Variants in SAXO1 observed in about 807,000 individuals in gnomAD.
SAXO1 encodes 4930500O09Rik.
In SAXO1, 21 loss-of-function variants were observed where a neutral mutation model predicts 17.5. The observed-to-expected ratio is 1.20, with a 90% CI of 0.85 to 1.72. SAXO1 has a LOEUF of 1.72. Among genes scored for constraint, SAXO1 ranks in the 40% most tolerant of loss-of-function variants. SAXO1 has a pLI of 0.00. For missense variants in SAXO1, 843 were observed against 596.0 expected, an observed-to-expected ratio of 1.41 and a Z score of -4.32; for synonymous variants, 274 against 216.5, an observed-to-expected ratio of 1.27 and a Z score of -2.33.
At chr9:18,963,347 A>C (rs1220316291) in intron 1 of SAXO1, among the ~76,000 whole-genome samples, 4 of 152,144 alleles carry the variant, frequency 2.6e-5, no homozygotes, top group Non-Finnish European at 5.9e-5. Context: ...GAAGAAAGTT[A>C]ATGGTAGCTT....
Position 18,928,719 on chromosome 9 carries a change from T to C in SAXO1, c.758A>G (p.Lys253Arg). Reference sequence around the variant, plus strand: ...AGGCCTGGCTAGAGGTTTCAAGCTCTTGGCAGGCTCCCCCATCAGGCCCCG... The same window carrying C: ...AGGCCTGGCTAGAGGTTTCAAGCTCCTGGCAGGCTCCCCCATCAGGCCCCG... ...SYRGLMGEPA[K>R]SLKPLARPPG... is the part of the protein sequence containing the mutation. The change falls in exon 4 of 4, where the codon AAG becomes AGG. Residue 253 changes from lysine (K) to arginine (R), a missense_variant. Physicochemically the swap from Lys to Arg is conservative, Grantham distance 26. Transcript: ENST00000380534. 6.2e-7 allele frequency: 1 copy of C among 1,614,138 alleles called. No individual in the cohort carries two copies. The highest frequency in any genetic ancestry group is 8.5e-7 in the Non-Finnish European group (1 of 1,180,046).
chr9:18,940,103 A>C lies in SAXO1; in HGVS notation c.421+1534T>G, dbSNP rs1372364810. Among the ~76,000 whole-genome samples the C allele has an allele frequency of 2.0e-5, 3 of 152,296 alleles. No individual in the cohort carries two copies. In the South Asian group the frequency reaches 6.2e-4, roughly 32 times the overall value. On this transcript the variant is annotated intron_variant, in intron 3 of 3. Coordinates refer to ENST00000380534, the MANE Select transcript of SAXO1 (RefSeq NM_153707.4). ...AGATAGGCCATGAAGTAGAGACTCC[A>C]TGGGGAGGGACAGACACAGGAGCGG... is the stretch of plus-strand genomic sequence containing the variant.
At chr9:19,037,125 G>T (rs569994685), upstream of SAXO1, among the ~76,000 whole-genome samples, 3 of 152,316 alleles carry the variant, frequency 2.0e-5, no homozygotes, top group South Asian at 6.2e-4. Context: ...CTCCCATTTG[G>T]AATGGCTGTA....
At chr9:18,997,580 G>A (rs567668729) in intron 1 of SAXO1, among the ~76,000 whole-genome samples, 39 of 152,244 alleles carry the variant, frequency 2.6e-4, no homozygotes, top group Admixed American at 5.9e-4. Flanking sequence ...AGGCTTAAAT[G>A]TCCCTGCCAG....
At chr9:19,034,789 T>C (rs1052012136), upstream of SAXO1, among the ~76,000 whole-genome samples, 5 of 152,206 alleles carry the variant, frequency 3.3e-5, no homozygotes, top group Non-Finnish European at 5.9e-5. Context: ...TCCATTGCCA[T>C]TGACAGAGAA....
rs771318372 is a variant in SAXO1, at chr9:19,049,289, G to A, written c.-238C>T. ...TCCCTTCCATCTTAGGGCTCACGCC[G>A]CCCCGGTTAGGTTTCATTAGAGCAG... On this transcript the variant is annotated 5_prime_UTR_variant, in exon 1 of 4. Transcript: ENST00000542071. This position sits in a 1 kb window ranked among gnomAD's most constrained non-coding sequence, Gnocchi z 5.4. 24 of 187,254 alleles carry A rather than the reference G, an allele frequency of 1.3e-4. No homozygotes were observed. Among genetic ancestry groups the A allele is most frequent in the Non-Finnish European group, 2.5e-4 (23 of 92,044 alleles). The allele number at this position is 187,254 out of a possible 1,614,324, so 11.6% of individuals were successfully genotyped here. A position where few individuals can be genotyped will look rare whatever the true frequency, so the allele number is the denominator to read the frequency against.
intron 1 of SAXO1, among the ~76,000 whole-genome samples, chr9:19,008,164 G>A (rs182398409): frequency 2.2e-3 from 341 of 152,076 alleles, no homozygotes; most frequent in African/African-American, 7.7e-3. Flanking sequence ...TAGTAGAGAG[G>A]GGGTTTCACC....
chr9:18,994,574 G>A (rs1482738659), intron 1 of SAXO1, among the ~76,000 whole-genome samples: 3 of 152,262 alleles, frequency 2.0e-5, no homozygotes, highest in African/African-American at 7.2e-5. Flanking sequence ...TGTGGCTTCC[G>A]GCAGGGAAGT....
At chr9:18,973,230 C>G (rs939483947) in intron 1 of SAXO1, among the ~76,000 whole-genome samples, 1 of 152,194 alleles carries the variant, frequency 6.6e-6, no homozygotes, top group Non-Finnish European at 1.5e-5. Context: ...GGTGAAAACT[C>G]TAATGGAATA....
At chr9:19,036,868 C>T (rs1333109597), upstream of SAXO1, among the ~76,000 whole-genome samples, 1 of 152,152 alleles carries the variant, frequency 6.6e-6, no homozygotes, top group African/African-American at 2.4e-5. Context: ...CGACAAATTG[C>T]ACTGTGTGCC....
intron 1 of SAXO1, among the ~76,000 whole-genome samples, chr9:18,951,482 T>A (rs1216006237): frequency 6.6e-6 from 1 of 152,188 alleles, no homozygotes; most frequent in Non-Finnish European, 1.5e-5. Context: ...CAGACACCAC[T>A]GACTATGTGA....
chr9:19,045,619 C>T (rs953920759), intron 1 of SAXO1, among the ~76,000 whole-genome samples: 7 of 152,270 alleles, frequency 4.6e-5, no homozygotes, highest in African/African-American at 1.7e-4. Context: ...CACACCCCAT[C>T]CCAGTAGAAG....
chr9:19,032,063 C>T (rs547456187), intron 1 of SAXO1, among the ~76,000 whole-genome samples: 9 of 152,226 alleles, frequency 5.9e-5, no homozygotes, highest in African/African-American at 1.4e-4. Context: ...ACAGATGAGG[C>T]GACTATGACC....
intron 3 of SAXO1, among the ~76,000 whole-genome samples, chr9:18,935,622 C>T (rs75956671): frequency 0.025 from 3,801 of 152,222 alleles, 78 homozygotes; most frequent in South Asian, 0.079. Context: ...ACAGCCTTCC[C>T]GACCACCAGG....
At chr9:18,935,240 T>G (rs1364746120) in intron 3 of SAXO1, among the ~76,000 whole-genome samples, 1 of 152,154 alleles carries the variant, frequency 6.6e-6, no homozygotes, top group Non-Finnish European at 1.5e-5. Context: ...GTCAGCATAG[T>G]TTAGTGGTCA....
intron 1 of SAXO1, among the ~76,000 whole-genome samples, chr9:18,988,252 G>C (rs1210062188): frequency 6.6e-6 from 1 of 152,222 alleles, no homozygotes; most frequent in Non-Finnish European, 1.5e-5. Flanking sequence ...AGCATCTTCT[G>C]TGAGCATCAG....
At chr9:19,014,460 CA>C (rs375593725) in intron 1 of SAXO1, among the ~76,000 whole-genome samples, 5,192 of 88,478 alleles carry the variant, frequency 0.059, 128 homozygotes, top group Middle Eastern at 0.15. Flanking sequence ...AACTGTGTCT[CA>C]AAAAAAAAAA....
At chr9:19,005,209 CA>C (rs1451096069) in intron 1 of SAXO1, among the ~76,000 whole-genome samples, 1 of 152,042 alleles carries the variant, frequency 6.6e-6, no homozygotes, top group Non-Finnish European at 1.5e-5. Flanking sequence ...CAATATTACC[CA>C]AAGTGATCTA....
At chr9:19,030,420 C>A (rs1483302697) in intron 1 of SAXO1, among the ~76,000 whole-genome samples, 1 of 151,954 alleles carries the variant, frequency 6.6e-6, no homozygotes, top group Non-Finnish European at 1.5e-5. Context: ...AGAAAAGAGT[C>A]AATGTGCCAG....
Sources: gnomAD v4.1 joint callset for allele counts (sites outside exome capture counted in the v4.1 genomes callset) on GRCh38, gnomAD v4.1.1 for gene constraint, Gnocchi (gnomAD v3.1) non-coding constraint, MANE v1.5 for transcripts, NCBI Gene and HGNC (gene_info 2026-07-23, HGNC 2026-07-21) for gene names.